Variants in ZNF398 observed in about 807,000 individuals in gnomAD.
The protein encoded by ZNF398 is zinc finger protein 398, also known as zinc finger DNA binding protein ZER6.
In ZNF398, 18 loss-of-function variants were observed where a neutral mutation model predicts 41.9. The ratio of observed to expected loss-of-function variants is 0.43; its 90% CI spans 0.30 to 0.64. ZNF398 has a LOEUF of 0.64. Among genes scored for constraint, ZNF398 ranks in the 30% least tolerant of loss-of-function variants. The pLI is 0.14. For missense variants in ZNF398, 669 were observed against 822.8 expected (o/e 0.81, Z 2.29); for synonymous variants, 260 against 308.8 (o/e 0.84, Z 1.66).
Position 149,182,647 on chromosome 7 carries a change from C to CATAAGGAAA in ZNF398, c.*2851_*2852insGAAAATAAG, listed in dbSNP as rs1168651690. On this transcript the variant is annotated 3_prime_UTR_variant, in exon 6 of 6. Coordinates refer to ENST00000475153, the MANE Select transcript of ZNF398 (RefSeq NM_170686.3). ...GGACCAAGAAGCTGTCACTATCACACATAAGCACCATTCCCTTAGAGTGGA... is the reference window on the plus strand; with the variant it reads ...GGACCAAGAAGCTGTCACTATCACACATAAGGAAAATAAGCACCATTCCCTTAGAGTGGA... 7 of 152,250 alleles carry CATAAGGAAA rather than the reference C, an allele frequency of 4.6e-5. No individual in the cohort carries two copies. Among genetic ancestry groups the CATAAGGAAA allele is most frequent in the Non-Finnish European group, 1.0e-4 (7 of 68,044 alleles). 9.4% of individuals were successfully genotyped at this position (152,250 alleles called of 1,614,324 possible). A position where few individuals can be genotyped will look rare whatever the true frequency, so the allele number is the denominator to read the frequency against.
At chr7:149,137,994 G>A (rs1335506487) in intron 2 of ZNF398, among the ~76,000 whole-genome samples, 1 of 151,646 alleles carries the variant, frequency 6.6e-6, no homozygotes, top group Admixed American at 6.6e-5. Context: ...GAGGTCGGGA[G>A]TTCAAGACCA....
upstream of ZNF398, among the ~76,000 whole-genome samples, chr7:149,143,755 T>A (rs1003499288): frequency 6.6e-6 from 1 of 152,094 alleles, no homozygotes; most frequent in African/African-American, 2.4e-5. Flanking sequence ...GAGGTTCCAG[T>A]GAGCAGAGAT....
intron 4 of ZNF398, 87 bp downstream of exon 4, chr7:149,167,017 T>C (rs1018089729): frequency 3.5e-6 from 3 of 867,506 alleles, no homozygotes. Context: ...TAGGGGCTTC[T>C]AGAGCCATTC....
chr7:149,176,440 G>A (rs768064795), intron 4 of ZNF398, 28 bp from the exon 5 acceptor site: 5 of 1,488,800 alleles, frequency 3.4e-6, no homozygotes, highest in Middle Eastern at 1.7e-4. Flanking sequence ...GTTCATGAAG[G>A]CCATTTTTTT....
rs537257206 is a variant in ZNF398, at chr7:149,175,646, A to G, written c.662-822A>G. On this transcript the variant is annotated intron_variant, in intron 4 of 5. Transcript: ENST00000475153. The stretch of plus-strand genomic sequence containing the variant: ...GAGTTGGATTCTGTGTCTATACTGA[A>G]CTAACTTTGTAATTCTGGAAGTTGA... Among the ~76,000 whole-genome samples, 260 of 152,220 alleles carry G rather than the reference A, an allele frequency of 1.7e-3. 1 individual carries two copies. Among genetic ancestry groups the G allele is most frequent in the Middle Eastern group, 3.4e-3 (1 of 294 alleles).
intron 2 of ZNF398, 137 bp from the exon 3 acceptor site, chr7:149,166,021 C>G (rs1795219287): frequency 3.3e-5 from 33 of 999,244 alleles, no homozygotes; most frequent in Non-Finnish European, 4.7e-5. Context: ...TTAAAAGAAA[C>G]CATTTCAGAG....
At chr7:149,178,241 G>A (rs528369642) in intron 5 of ZNF398, among the ~76,000 whole-genome samples, 22 of 151,808 alleles carry the variant, frequency 1.4e-4, no homozygotes, top group South Asian at 8.3e-4. Context: ...GCATTGAGCC[G>A]AGTTTGTGCC....
chr7:149,179,302 A>G lies in ZNF398; in HGVS notation c.1430A>G (p.His477Arg), dbSNP rs1268014917. 3.7e-6 allele frequency: 6 copies of G among 1,613,130 alleles called. No homozygotes were observed. The change falls in exon 6 of 6, where the codon CAT (histidine) becomes CGT (arginine). Residue 477 changes from histidine (H) to arginine (R), a missense_variant. Transcript: ENST00000475153. This position sits in a 1 kb window ranked among gnomAD's most constrained non-coding sequence, Gnocchi z 6.1. ...AGCCTCCTGCTCCACCAGCGGGGTC[A>G]TGCACAAGAGCGCCCTTTCTCCTGC... is the stretch of plus-strand genomic sequence containing the variant. ...KISLLLHQRG[H>R]AQERPFSCPQ...
At chr7:149,164,173 C>T (rs967208545) in intron 2 of ZNF398, among the ~76,000 whole-genome samples, 3 of 149,990 alleles carry the variant, frequency 2.0e-5, no homozygotes, top group Non-Finnish European at 3.0e-5. Flanking sequence ...TTTGGGAGGC[C>T]GAGGCGGGCA....
chr7:149,165,914 A>G (rs928849713), intron 2 of ZNF398, among the ~76,000 whole-genome samples: 1 of 152,224 alleles, frequency 6.6e-6, no homozygotes, highest in African/African-American at 2.4e-5. Context: ...AAAATACTCG[A>G]ATGTGCCTCA....
rs759840536 is a variant in ZNF398, at chr7:149,178,930, G to C, written c.1058G>C (p.Ser353Thr). ...TGCCACCACTGTGGCAAGAATCTCAGCCAAGACATGTTGCTGACCCACCAA... is the reference window on the plus strand; with the variant it reads ...TGCCACCACTGTGGCAAGAATCTCACCCAAGACATGTTGCTGACCCACCAA... ...FSCHHCGKNL[S>T]QDMLLTHQCS... Residue 353 changes from serine to threonine, a missense_variant, in exon 6 of 6, where the codon AGC becomes ACC. Physicochemically the swap from Ser to Thr is moderately conservative, Grantham distance 58. This residue lies in a region of ZNF398 where 290 missense variants were observed against 292.9 expected (regional missense o/e 0.99). Coordinates refer to ENST00000475153, the MANE Select transcript of ZNF398 (RefSeq NM_170686.3). 6.2e-7 allele frequency: 1 copy of C among 1,614,118 alleles called. No homozygotes were observed. The highest frequency in any genetic ancestry group is 2.2e-5 in the East Asian group (1 of 44,884).
intron 2 of ZNF398, among the ~76,000 whole-genome samples, chr7:149,138,535 G>A (rs575648746): frequency 2.2e-4 from 33 of 152,112 alleles, no homozygotes; most frequent in African/African-American, 7.5e-4. Context: ...AGCCGAGATC[G>A]TGCCACTGCA....
At chr7:149,162,348 A>AT (rs897186402) in intron 2 of ZNF398, among the ~76,000 whole-genome samples, 6 of 151,890 alleles carry the variant, frequency 4.0e-5, no homozygotes, top group African/African-American at 1.5e-4. Context: ...CGCCTGGCTA[A>AT]TTTTTTTATA....
intron 4 of ZNF398, among the ~76,000 whole-genome samples, chr7:149,173,785 CTTTTTTTTTTTT>C (rs528703910): frequency 1.8e-3 from 132 of 71,596 alleles, no homozygotes; most frequent in African/African-American, 5.8e-3. Context: ...TAGCATAATT[CTTTTTTTTTTTT>C]TTTTTTTTTT....
intron 1 of ZNF398, among the ~76,000 whole-genome samples, chr7:149,151,708 A>C (rs1827118670): frequency 6.6e-6 from 1 of 152,096 alleles, no homozygotes; most frequent in South Asian, 2.1e-4. Flanking sequence ...ATTAAGCTAT[A>C]GAAGACATCC....
chr7:149,153,809 G>T, intron 1 of ZNF398, 136 bp from the exon 2 acceptor site: 1 of 1,027,978 alleles, frequency 9.7e-7, no homozygotes, highest in Non-Finnish European at 1.4e-6. Context: ...GAAAGATGAG[G>T]CATACGCAGG....
Position 149,179,780 on chromosome 7 carries a change from G to A in ZNF398, c.1908G>A (p.Gly636=), listed in dbSNP as rs1414259554. The A allele has an allele frequency of 6.3e-7, 1 of 1,585,772 alleles. No individual in the cohort carries two copies. Among genetic ancestry groups the A allele is most frequent in the Non-Finnish European group, 8.6e-7 (1 of 1,163,202 alleles). ...AGACCAACCAGTGGTATGGGGAAGG[G>A]AGTGGAGGGGGAGTTTTGTAAATCC... is the stretch of plus-strand genomic sequence containing the variant. The part of the protein sequence containing the change: ...GLETNQWYGE[G]SGGGVL The change falls in exon 6 of 6, where the codon GGG becomes GGA. Residue 636 remains glycine (G), a synonymous_variant. Transcript: ENST00000475153. This position sits in a 1 kb window ranked among gnomAD's most constrained non-coding sequence, Gnocchi z 6.1.
At chr7:149,146,426 G>A (rs1219062302), upstream of ZNF398, among the ~76,000 whole-genome samples, 1 of 152,172 alleles carries the variant, frequency 6.6e-6, no homozygotes, top group African/African-American at 2.4e-5. Flanking sequence ...AGCTGCGCCT[G>A]TAGTCCAAGA....
upstream of ZNF398, among the ~76,000 whole-genome samples, chr7:149,146,215 A>C (rs1826934383): frequency 6.6e-6 from 1 of 151,872 alleles, no homozygotes; most frequent in Non-Finnish European, 1.5e-5. Context: ...CTGGAATTAC[A>C]GGCGTGAGCC....
Sources: gnomAD v4.1 joint callset for allele counts (sites outside exome capture counted in the v4.1 genomes callset) on GRCh38, gnomAD v4.1.1 for gene constraint, gnomAD v4.1.1 regional missense constraint, Gnocchi (gnomAD v3.1) non-coding constraint, MANE v1.5 for transcripts, NCBI Gene and HGNC (gene_info 2026-07-23, HGNC 2026-07-21) for gene names.